Variants in PHACTR3 observed in about 807,000 individuals in gnomAD.
PHACTR3 encodes protein phosphatase 1, regulatory subunit 123.
Under a neutral mutation model 66.8 loss-of-function variants are expected in PHACTR3, and 16 were observed. The observed-to-expected ratio is 0.24, with a 90% CI of 0.16 to 0.36. The LOEUF is 0.36. Ranked by LOEUF, PHACTR3 falls within the 10% of genes least tolerant of loss-of-function variation. PHACTR3 has a pLI of 1.00. For missense variants in PHACTR3, 647 were observed against 719.9 expected (o/e 0.90, Z 1.16); for synonymous variants, 323 against 292.1 (o/e 1.11, Z -1.08).
intron 11 of PHACTR3, 198 bp from the exon 12 acceptor site, chr20:59,844,991 A>G (rs1309216938): frequency 6.8e-6 from 3 of 442,116 alleles, no homozygotes; most frequent in Non-Finnish European, 1.3e-5. Context: ...CTTCCAGAAT[A>G]TTAGCTACAT....
chr20:59,596,392 T>C (rs1402292552), intron 1 of PHACTR3, among the ~76,000 whole-genome samples: 1 of 152,200 alleles, frequency 6.6e-6, no homozygotes, highest in Non-Finnish European at 1.5e-5. Flanking sequence ...TCTGTCCACC[T>C]TGGCCTCCCA....
intron 1 of PHACTR3, among the ~76,000 whole-genome samples, chr20:59,641,880 T>C (rs1021933241): frequency 1.3e-5 from 2 of 152,234 alleles, no homozygotes; most frequent in Non-Finnish European, 2.9e-5. Context: ...CCTAGTCTCA[T>C]TTTATTAATT....
chr20:59,631,629 C>A (rs1258424849), intron 1 of PHACTR3, among the ~76,000 whole-genome samples: 1 of 152,134 alleles, frequency 6.6e-6, no homozygotes, highest in Non-Finnish European at 1.5e-5. Context: ...CTTGGTTTCA[C>A]AACAGTATAA....
chr20:59,722,112 G>T (rs1037071068), intron 1 of PHACTR3, among the ~76,000 whole-genome samples: 1 of 152,090 alleles, frequency 6.6e-6, no homozygotes, highest in Non-Finnish European at 1.5e-5. Context: ...GGCACCTGTG[G>T]TCCCAGCTAC....
At chr20:59,644,664 C>T (rs866071562) in intron 1 of PHACTR3, among the ~76,000 whole-genome samples, 55 of 152,280 alleles carry the variant, frequency 3.6e-4, no homozygotes, top group African/African-American at 1.3e-3. Context: ...TTCCAGCATA[C>T]GGGGCCAGGA....
intron 12 of PHACTR3, 138 bp from the exon 13 acceptor site, chr20:59,846,977 G>A: frequency 1.7e-6 from 1 of 588,808 alleles, no homozygotes; most frequent in Non-Finnish European, 3.1e-6. Flanking sequence ...AACCAGAGTA[G>A]CTCCATCCTC....
intron 7 of PHACTR3, among the ~76,000 whole-genome samples, chr20:59,798,247 A>G (rs1212205504): frequency 6.6e-6 from 1 of 152,168 alleles, no homozygotes; most frequent in African/African-American, 2.4e-5. Context: ...AAATCCATTC[A>G]TTATGGAGGA....
intron 7 of PHACTR3, among the ~76,000 whole-genome samples, chr20:59,786,928 C>A (rs2040936098): frequency 1.5e-5 from 1 of 65,110 alleles, no homozygotes; most frequent in African/African-American, 3.2e-5. Context: ...CTTCACTAAT[C>A]ACTATTTTTT....
chr20:59,666,588 GAGAA>G (rs1454960713), intron 1 of PHACTR3, among the ~76,000 whole-genome samples: 2 of 152,100 alleles, frequency 1.3e-5, no homozygotes, highest in Admixed American at 6.5e-5. Context: ...CAGGGAGAGA[GAGAA>G]AGGAAGAGAA....
intron 1 of PHACTR3, among the ~76,000 whole-genome samples, chr20:59,624,837 T>C (rs984015514): frequency 6.6e-6 from 1 of 152,230 alleles, no homozygotes; most frequent in African/African-American, 2.4e-5. Flanking sequence ...TGCACCCTGG[T>C]TCCCTTTCAC....
chr20:59,772,251 G>T (rs1374290443), intron 5 of PHACTR3, among the ~76,000 whole-genome samples: 21 of 152,134 alleles, frequency 1.4e-4, no homozygotes, highest in Admixed American at 1.4e-3. Context: ...GGAAGGAGGG[G>T]GTGTCCCACT....
chr20:59,825,387 CTCAT>C (rs912607277), intron 8 of PHACTR3, among the ~76,000 whole-genome samples: 3 of 152,216 alleles, frequency 2.0e-5, no homozygotes, highest in South Asian at 2.1e-4. Context: ...CATTCAGACA[CTCAT>C]TCATTCATTC....
At chr20:59,832,906 G>T (rs2042427246) in intron 8 of PHACTR3, among the ~76,000 whole-genome samples, 1 of 152,224 alleles carries the variant, frequency 6.6e-6, no homozygotes, top group South Asian at 2.1e-4. Flanking sequence ...GCCTGGCCTT[G>T]TTGGGTTGGC....
At chr20:59,619,555 C>A (rs2034162056) in intron 1 of PHACTR3, among the ~76,000 whole-genome samples, 1 of 151,930 alleles carries the variant, frequency 6.6e-6, no homozygotes, top group African/African-American at 2.4e-5. Flanking sequence ...CCTTTCGGAC[C>A]CCGAGCAGAT....
intron 1 of PHACTR3, among the ~76,000 whole-genome samples, chr20:59,687,055 GTGA>G (rs1415924358): frequency 2.7e-5 from 4 of 150,492 alleles, no homozygotes; most frequent in East Asian, 4.0e-4. Flanking sequence ...GGTGGTGATT[GTGA>G]TGATGGTGGT....
At chr20:59,716,316 G>A (rs1048258256) in intron 1 of PHACTR3, among the ~76,000 whole-genome samples, 4 of 147,758 alleles carry the variant, frequency 2.7e-5, no homozygotes, top group Non-Finnish European at 3.0e-5. Flanking sequence ...GTGCGATCTC[G>A]ATCTCAGCTC....
chr20:59,668,173 G>T (rs1243672368), intron 1 of PHACTR3, among the ~76,000 whole-genome samples: 1 of 151,914 alleles, frequency 6.6e-6, no homozygotes, highest in African/African-American at 2.4e-5. Flanking sequence ...CCTGTACGGG[G>T]TTAGAGGTGG....
At chr20:59,779,981 C>T (rs375387759) in intron 7 of PHACTR3, among the ~76,000 whole-genome samples, 42 of 152,344 alleles carry the variant, frequency 2.8e-4, no homozygotes, top group African/African-American at 9.6e-4. Context: ...TGTGTTTTGT[C>T]TTTTCTCTGT....
At chr20:59,677,048 G>T (rs2036473738) in intron 1 of PHACTR3, among the ~76,000 whole-genome samples, 1 of 152,018 alleles carries the variant, frequency 6.6e-6, no homozygotes, top group Non-Finnish European at 1.5e-5. Context: ...GAGTCACGAA[G>T]GTCTTTTGTT....
Sources: allele counts gnomAD v4.1 joint callset (sites outside exome capture counted in the v4.1 genomes callset), GRCh38; gene constraint gnomAD v4.1.1; transcripts MANE v1.5; gene names NCBI Gene and HGNC (gene_info 2026-07-23, HGNC 2026-07-21).